Variants in GALNT10 observed in about 807,000 individuals in gnomAD.
GALNT10 encodes polypeptide N-acetylgalactosaminyltransferase 10.
A neutral mutation model predicts 75.0 loss-of-function variants in GALNT10; 41 were observed. That is an observed-to-expected ratio of 0.55 (90% CI 0.43 to 0.71). The LOEUF (loss-of-function observed/expected upper bound fraction) is 0.71. Among genes scored for constraint, GALNT10 ranks in the 30% least tolerant of loss-of-function variants. GALNT10 has a pLI of 0.00. For missense variants in GALNT10, 727 were observed against 818.5 expected, an observed-to-expected ratio of 0.89 and a Z score of 1.36; for synonymous variants, 302 against 313.0, an observed-to-expected ratio of 0.96 and a Z score of 0.37.
At chr5:154,228,472 T>C (rs1753095404) in intron 1 of GALNT10, among the ~76,000 whole-genome samples, 1 of 152,250 alleles carries the variant, frequency 6.6e-6, no homozygotes, top group Admixed American at 6.5e-5. Flanking sequence ...CCAGTAAAGA[T>C]TGGCATTTGC....
intron 1 of GALNT10, among the ~76,000 whole-genome samples, chr5:154,284,290 G>A (rs187436939): frequency 1.2e-3 from 187 of 152,306 alleles, no homozygotes; most frequent in African/African-American, 4.3e-3. Context: ...CAGAACTGTG[G>A]CACAAGCCTA....
intron 2 of GALNT10, among the ~76,000 whole-genome samples, chr5:154,295,665 C>T (rs1191671419): frequency 6.6e-6 from 1 of 152,134 alleles, no homozygotes; most frequent in East Asian, 1.9e-4. Flanking sequence ...GGAGCCTGGA[C>T]TAAGGAGTCA....
intron 4 of GALNT10, among the ~76,000 whole-genome samples, chr5:154,363,699 G>A (rs970064570): frequency 6.6e-6 from 1 of 152,060 alleles, no homozygotes; most frequent in Non-Finnish European, 1.5e-5. Context: ...TGGGGAGAGA[G>A]GTTTGAGTGG....
chr5:154,351,398 C>A (rs911725865), intron 4 of GALNT10, among the ~76,000 whole-genome samples: 1 of 152,238 alleles, frequency 6.6e-6, no homozygotes, highest in Non-Finnish European at 1.5e-5. Flanking sequence ...CAGTGCCACA[C>A]TGAAACACAA....
chr5:154,206,198 A>G (rs12656471), intron 1 of GALNT10, among the ~76,000 whole-genome samples: 67,720 of 152,034 alleles, frequency 0.45, 15,913 homozygotes, highest in East Asian at 0.78. Context: ...TACACTGCAC[A>G]TATATATTCT....
At chr5:154,248,284 C>T (rs559845829) in intron 1 of GALNT10, among the ~76,000 whole-genome samples, 145 of 152,092 alleles carry the variant, frequency 9.5e-4, no homozygotes, top group African/African-American at 3.2e-3. Context: ...TTTTTTGTTG[C>T]GTCTCTGCCA....
intron 1 of GALNT10, among the ~76,000 whole-genome samples, chr5:154,252,411 T>G (rs976755212): frequency 9.2e-5 from 14 of 152,174 alleles, no homozygotes; most frequent in African/African-American, 2.9e-4. Context: ...TGATAACAGT[T>G]TTGCCCTTTA....
intron 1 of GALNT10, among the ~76,000 whole-genome samples, chr5:154,278,596 G>A (rs1288996350): frequency 6.6e-6 from 1 of 152,196 alleles, no homozygotes; most frequent in African/African-American, 2.4e-5. Context: ...CCATTCATAA[G>A]TGTACAATTG....
chr5:154,331,707 C>T (rs1049890028), intron 4 of GALNT10, among the ~76,000 whole-genome samples: 4 of 152,186 alleles, frequency 2.6e-5, no homozygotes, highest in South Asian at 4.2e-4. Flanking sequence ...ATGTACAGGA[C>T]GGATGTGTGG....
chr5:154,405,763 T>C (rs564502542), intron 8 of GALNT10, among the ~76,000 whole-genome samples: 33 of 152,088 alleles, frequency 2.2e-4, no homozygotes, highest in African/African-American at 7.0e-4. Context: ...GGAAGATCAC[T>C]TGGGCCAGGG....
At chr5:154,341,373 T>A (rs1755029700) in intron 4 of GALNT10, among the ~76,000 whole-genome samples, 1 of 152,246 alleles carries the variant, frequency 6.6e-6, no homozygotes, top group Non-Finnish European at 1.5e-5. Flanking sequence ...AATAACTTCC[T>A]GTCATCTCCT....
intron 1 of GALNT10, among the ~76,000 whole-genome samples, chr5:154,247,475 CTT>C (rs1464085310): frequency 6.6e-6 from 1 of 152,190 alleles, no homozygotes; most frequent in Non-Finnish European, 1.5e-5. Context: ...TTTGTATCCT[CTT>C]TTATTTCATT....
Position 154,191,041 on chromosome 5 carries a change from G to T in GALNT10, c.159+16G>T. 7.1e-7 allele frequency: 1 copy of T among 1,401,818 alleles called. No homozygotes were observed. Among genetic ancestry groups the T allele is most frequent in the Non-Finnish European group, 9.4e-7 (1 of 1,067,222 alleles). The allele number at this position is 1,401,818 out of a possible 1,614,324, so 86.8% of individuals were successfully genotyped here. ...GGCGGGACAGGTGAGTCCCCCCGTT[G>T]CTACAGGCCGGGAACACCCCCTTCC... is the stretch of plus-strand genomic sequence containing the variant. On this transcript the variant is annotated intron_variant, in intron 1 of 11. Coordinates refer to ENST00000297107, the MANE Select transcript of GALNT10 (RefSeq NM_198321.4).
chr5:154,355,738 G>T (rs1424867257), intron 4 of GALNT10, among the ~76,000 whole-genome samples: 1 of 150,886 alleles, frequency 6.6e-6, no homozygotes, highest in Non-Finnish European at 1.5e-5. Flanking sequence ...ACATGCTGGG[G>T]CTAAGTGACA....
intron 4 of GALNT10, among the ~76,000 whole-genome samples, chr5:154,371,070 G>T (rs995300863): frequency 6.6e-6 from 1 of 152,204 alleles, no homozygotes; most frequent in African/African-American, 2.4e-5. Flanking sequence ...TCCAAAATCA[G>T]TGCCATGCTG....
chr5:154,192,368 C>T (rs957081890), intron 1 of GALNT10, among the ~76,000 whole-genome samples: 2 of 152,194 alleles, frequency 1.3e-5, no homozygotes, highest in African/African-American at 4.8e-5. Flanking sequence ...TTTCCTAAAC[C>T]CCTGGTTCAA....
intron 4 of GALNT10, among the ~76,000 whole-genome samples, chr5:154,364,970 G>A (rs1755453476): frequency 6.6e-6 from 1 of 152,150 alleles, no homozygotes; most frequent in African/African-American, 2.4e-5. Flanking sequence ...TGATAGGGGT[G>A]GTTTCTGGAG....
intron 4 of GALNT10, among the ~76,000 whole-genome samples, chr5:154,345,187 A>C (rs759261798): frequency 5.9e-5 from 9 of 152,126 alleles, no homozygotes; most frequent in Non-Finnish European, 1.2e-4. Context: ...ACAAGTAAAA[A>C]TTGTGTATAT....
At chr5:154,258,830 A>G (rs1189127323) in intron 1 of GALNT10, among the ~76,000 whole-genome samples, 1 of 152,190 alleles carries the variant, frequency 6.6e-6, no homozygotes, top group Non-Finnish European at 1.5e-5. Context: ...TGCCATATTT[A>G]AAGGCCAATC....
Sources: gnomAD v4.1 joint callset for allele counts (sites outside exome capture counted in the v4.1 genomes callset) on GRCh38, gnomAD v4.1.1 for gene constraint, MANE v1.5 for transcripts, NCBI Gene and HGNC (gene_info 2026-07-23, HGNC 2026-07-21) for gene names.